AARSD1: variants seen among roughly 807,000 people sequenced by gnomAD.
AARSD1 encodes the protein alanyl-tRNA editing protein Aarsd1.
Under a neutral mutation model 48.7 loss-of-function variants are expected in AARSD1, and 44 were observed. That is an observed-to-expected ratio of 0.90 (90% CI 0.71 to 1.16). The LOEUF (loss-of-function observed/expected upper bound fraction) is 1.16, where lower values mean the gene tolerates loss of function less well. AARSD1 is among the 50% of genes most tolerant of loss of function. AARSD1 has a pLI of 0.00. For missense variants in AARSD1, 511 were observed against 523.1 expected (o/e 0.98, Z 0.23); for synonymous variants, 189 against 194.9 (o/e 0.97, Z 0.25).
In AARSD1 at chr17:42,964,410, C is replaced by A. The variant is rs1338085768; in HGVS notation, c.31G>T (p.Ala11Ser). 6.4e-6 allele frequency: 10 copies of A among 1,551,314 alleles called. No homozygotes were observed. The highest frequency in any genetic ancestry group is 3.9e-5 in the Admixed American group (2 of 51,052). MAFWCQRDSY[A>S]REFTTTVVSC... ...TCGCCGTGACGCCGTACCTCTCGGG[C>A]ATAACTGTCACGCTGACACCAGAAC... Residue 11 changes from alanine to serine, a missense_variant, in exon 1 of 12, where the codon GCC (alanine) becomes TCC (serine). Ala to Ser is a moderately conservative substitution (Grantham distance 99). Transcript: ENST00000427569.
intron 10 of AARSD1, chr17:42,952,111 GGCA>G: frequency 1.8e-6 from 1 of 544,870 alleles, no homozygotes; most frequent in East Asian, 2.9e-5. Context: ...ACATTAAGAA[GGCA>G]GCAGAAGACT....
At chr17:42,953,680 G>A in intron 10 of AARSD1, 44 bp downstream of exon 10, 1 of 1,613,752 alleles carries the variant, frequency 6.2e-7, no homozygotes, top group Non-Finnish European at 8.5e-7. Context: ...TGTCTCCCTA[G>A]GTCTCTATCC....
chr17:42,954,967 T>A lies in AARSD1; in HGVS notation c.862A>T (p.Asn288Tyr), dbSNP rs772951947. 6.2e-7 allele frequency: 1 copy of A among 1,614,132 alleles called. No individual in the cohort carries two copies. The change falls in exon 9 of 12, where the codon AAT (asparagine) becomes TAT (tyrosine). Residue 288 changes from asparagine to tyrosine, a missense_variant and splice_region_variant. Physicochemically the swap from Asn to Tyr is moderately radical, Grantham distance 143. Coordinates refer to ENST00000427569, the MANE Select transcript of AARSD1 (RefSeq NM_001261434.2). ...AGGTCTCTGAGCAGATTCAGGTTAT[T>A]CTGAAATGGATATGGTAACTCAGTA... is the stretch of plus-strand genomic sequence containing the variant. ...LQNSTKILQK[N>Y]NLNLLRDLAV...
At chr17:42,955,819 C>A in intron 7 of AARSD1, 23 bp downstream of exon 7, 1 of 1,613,504 alleles carries the variant, frequency 6.2e-7, no homozygotes, top group East Asian at 2.2e-5. Flanking sequence ...GGGAGGTAAT[C>A]GAAGGTACTG....
At chr17:42,953,478 CT>C (rs1156549912) in intron 10 of AARSD1, among the ~76,000 whole-genome samples, 1 of 152,170 alleles carries the variant, frequency 6.6e-6, no homozygotes, top group African/African-American at 2.4e-5. Flanking sequence ...AGCTAGAGCT[CT>C]GATGAAAGGA....
intron 2 of AARSD1, among the ~76,000 whole-genome samples, chr17:42,961,705 C>T (rs1164733921): frequency 6.6e-6 from 1 of 152,158 alleles, no homozygotes; most frequent in African/African-American, 2.4e-5. Flanking sequence ...TCCACTCCAT[C>T]CTCTTGCAGT....
chr17:42,955,129 C>T (rs2049529738), intron 8 of AARSD1, 29 bp downstream of exon 8: 2 of 1,613,932 alleles, frequency 1.2e-6, no homozygotes, highest in East Asian at 2.2e-5. Context: ...AGGGCCCATG[C>T]CCTCTCTACC....
In AARSD1 at chr17:42,964,181, G is replaced by A. The variant is rs2049679623; in HGVS notation, c.96C>T (p.Asn32=). ...CPAELQTEGS[N]GKKEVLSGFQ... ...AACCGCTCAGCACTTCTTTCTTGCCGTTGCTCCCTTCAGTCTGCAGCTCCG... is the reference window on the plus strand; with the variant it reads ...AACCGCTCAGCACTTCTTTCTTGCCATTGCTCCCTTCAGTCTGCAGCTCCG... The change falls in exon 2 of 12, where the codon AAC becomes AAT. Residue 32 remains asparagine (N), a synonymous_variant. Coordinates refer to ENST00000427569, the MANE Select transcript of AARSD1 (RefSeq NM_001261434.2). 6.2e-7 allele frequency: 1 copy of A among 1,614,088 alleles called. No homozygotes were observed. Among genetic ancestry groups the A allele is most frequent in the African/African-American group, 1.3e-5 (1 of 74,940 alleles).
chr17:42,955,701 A>G (rs1449983757), intron 7 of AARSD1, 141 bp downstream of exon 7: 3 of 1,463,382 alleles, frequency 2.1e-6, no homozygotes, highest in South Asian at 1.3e-5. Flanking sequence ...TCGGCCTCCC[A>G]AAGTGCTGGG....
chr17:42,956,035 C>A (rs1051985920), intron 6 of AARSD1, 63 bp from the exon 7 acceptor site: 2 of 1,611,082 alleles, frequency 1.2e-6, no homozygotes, highest in Non-Finnish European at 1.7e-6. Context: ...CACAGCGGAT[C>A]CTAGAACCTG....
chr17:42,961,809 T>A (rs1335473013), intron 2 of AARSD1, among the ~76,000 whole-genome samples: 1 of 152,026 alleles, frequency 6.6e-6, no homozygotes, highest in African/African-American at 2.4e-5. Flanking sequence ...GGCAGGAGGA[T>A]CGCTTGAGAT....
chr17:42,953,273 C>T (rs2049504031), intron 10 of AARSD1, among the ~76,000 whole-genome samples: 1 of 152,018 alleles, frequency 6.6e-6, no homozygotes, highest in Non-Finnish European at 1.5e-5. Context: ...AGCCACCATG[C>T]CTGGCCTGAT....
rs1054710523 is a variant in AARSD1, at chr17:42,953,899, C to A, written c.954-121G>T. 3.1e-6 allele frequency: 4 copies of A among 1,289,928 alleles called. No homozygotes were observed. In the African/African-American group the frequency reaches 5.8e-5, roughly 19 times the overall value. 79.9% of individuals were successfully genotyped at this position (1,289,928 alleles called of 1,614,324 possible). A position where few individuals can be genotyped will look rare whatever the true frequency, so the allele number is the denominator to read the frequency against. Reference sequence around the variant, plus strand: ...CTATGTACACATAAAGTCCCATATCCCTTAGCCAAGAGAGAGTACTGGCTG... The same window carrying A: ...CTATGTACACATAAAGTCCCATATCACTTAGCCAAGAGAGAGTACTGGCTG... On this transcript the variant is annotated intron_variant, in intron 9 of 11. Transcript: ENST00000427569.
chr17:42,961,333 T>C lies in AARSD1; in HGVS notation c.190A>G (p.Ile64Val), dbSNP rs772620932. 18 of 1,613,986 alleles carry C rather than the reference T, an allele frequency of 1.1e-5. No homozygotes were observed. In the Admixed American group the frequency reaches 2.8e-4, roughly 25 times the overall value. ...ACTCTCAGCACAGAGATGTCATTGA[T>C]TGTACCACGGTCATCAGGCTGGTGG... ...GGGQPDDRGT[I>V]NDISVLRVTR... Residue 64 changes from isoleucine (I) to valine (V), a missense_variant, in exon 3 of 12, where the codon ATC becomes GTC. Transcript: ENST00000427569.
chr17:42,956,409 C>T lies in AARSD1; in HGVS notation c.541G>A (p.Glu181Lys). 6.2e-7 allele frequency: 1 copy of T among 1,614,094 alleles called. No individual in the cohort carries two copies. Among genetic ancestry groups the T allele is most frequent in the Non-Finnish European group, 8.5e-7 (1 of 1,180,024 alleles). The part of the protein sequence containing the change: ...RELSLDDPEV[E>K]QVSGRGLPDD... ...CCCTCTGGCTCTACCCTTACCTGCT[C>T]CACCTCAGGATCATCCAGGCTCAGT... Residue 181 changes from glutamate (E) to lysine (K), a missense_variant, in exon 5 of 12, where the codon GAG (glutamate) becomes AAG (lysine). Transcript: ENST00000427569.
Position 42,951,912 on chromosome 17 carries a change from G to C in AARSD1, c.1009-18C>G, listed in dbSNP as rs1434597319. On this transcript the variant is annotated intron_variant, in intron 10 of 11. Coordinates refer to ENST00000427569, the MANE Select transcript of AARSD1 (RefSeq NM_001261434.2). Reference sequence around the variant, plus strand: ...AGGGTCTCCTAGGAGGTAAGACAAGGAGATAAGCTCTGATACTGAAGGATG... The same window carrying C: ...AGGGTCTCCTAGGAGGTAAGACAAGCAGATAAGCTCTGATACTGAAGGATG... 2.5e-6 allele frequency: 4 copies of C among 1,613,058 alleles called. No individual in the cohort carries two copies. The highest frequency in any genetic ancestry group is 3.3e-5 in the Admixed American group (2 of 59,964).
intron 11 of AARSD1, among the ~76,000 whole-genome samples, chr17:42,951,166 C>A (rs1186802960): frequency 6.6e-6 from 1 of 152,064 alleles, no homozygotes; most frequent in African/African-American, 2.4e-5. Flanking sequence ...CTCAAAAAAA[C>A]ACTTGCACAT....
chr17:42,961,197 T>G lies in AARSD1; in HGVS notation c.326A>C (p.His109Pro), dbSNP rs761762774. ...TCCCCCATCCCAGCCTTTACCTGAATGCTGCTGCATGTGGTCAAACCTCCG... is the reference window on the plus strand; with the variant it reads ...TCCCCCATCCCAGCCTTTACCTGAAGGCTGCTGCATGTGGTCAAACCTCCG... The part of the protein sequence containing the change: ...WERRFDHMQQ[H>P]SGQHLITAVA... The change falls in exon 3 of 12, where the codon CAT becomes CCT. Residue 109 changes from histidine (H) to proline (P), a missense_variant. By Grantham distance (77) the His-to-Pro change is moderately conservative. Transcript: ENST00000427569. The G allele has an allele frequency of 1.2e-6, 2 of 1,610,856 alleles. No homozygotes were observed. The highest frequency in any genetic ancestry group is 1.7e-6 in the Non-Finnish European group (2 of 1,177,656).
intron 4 of AARSD1, 47 bp from the exon 5 acceptor site, chr17:42,956,607 A>G: frequency 1.3e-6 from 2 of 1,523,862 alleles, no homozygotes; most frequent in Non-Finnish European, 1.8e-6. Context: ...ACTGAACAAG[A>G]AAAAGCTGAA....
Sources: allele counts gnomAD v4.1 joint callset (sites outside exome capture counted in the v4.1 genomes callset), GRCh38; gene constraint gnomAD v4.1.1; transcripts MANE v1.5; gene names NCBI Gene and HGNC (gene_info 2026-07-23, HGNC 2026-07-21).